The following AFG2A variants were observed in gnomAD, a reference collection of about 807,000 sequenced individuals.
AFG2A encodes ATPase family gene 2 protein homolog A.
chr4:123,042,645 T>C, the AFG2A span, among the ~76,000 whole-genome samples: 1 of 152,208 alleles, frequency 6.6e-6, no homozygotes, highest in Non-Finnish European at 1.5e-5. Context: ...CTCTTTTCTT[T>C]TGCATTCAGT....
chr4:123,002,250 C>G, the AFG2A span, among the ~76,000 whole-genome samples: 3 of 151,964 alleles, frequency 2.0e-5, no homozygotes, highest in Non-Finnish European at 4.4e-5. Context: ...GGTCTTGACT[C>G]TTTATCCAAT....
At chr4:123,068,009 A>T in the AFG2A span, among the ~76,000 whole-genome samples, 1 of 152,156 alleles carries the variant, frequency 6.6e-6, no homozygotes, top group Non-Finnish European at 1.5e-5. Context: ...GAATAGGAAT[A>T]ATTTGGAAAG....
At chr4:123,053,835 A>G in the AFG2A span, among the ~76,000 whole-genome samples, 2 of 152,156 alleles carry the variant, frequency 1.3e-5, no homozygotes, top group Non-Finnish European at 2.9e-5. Flanking sequence ...TAGTTCCTCT[A>G]CTGCACTGGG....
At chr4:123,105,779 C>G in the AFG2A span, among the ~76,000 whole-genome samples, 2 of 152,072 alleles carry the variant, frequency 1.3e-5, no homozygotes, top group Non-Finnish European at 2.9e-5. Context: ...GCTGCAATCT[C>G]ATGAACAAAT....
At chr4:123,312,816 A>C in the AFG2A span, among the ~76,000 whole-genome samples, 4 of 152,210 alleles carry the variant, frequency 2.6e-5, no homozygotes, top group Admixed American at 2.0e-4. Flanking sequence ...CATGTTTTTG[A>C]AAGCTCCCTA....
chr4:123,080,245 A>G, the AFG2A span, among the ~76,000 whole-genome samples: 1 of 152,220 alleles, frequency 6.6e-6, no homozygotes, highest in Admixed American at 6.5e-5. Flanking sequence ...CCTTTATAAC[A>G]GGAGATAGCA....
chr4:122,925,087 T>G, the AFG2A span, among the ~76,000 whole-genome samples: 1 of 152,196 alleles, frequency 6.6e-6, no homozygotes, highest in Non-Finnish European at 1.5e-5. Flanking sequence ...ACTTCAACTC[T>G]GTTCAGTTTT....
At chr4:123,261,972 T>TGGGG in the AFG2A span, among the ~76,000 whole-genome samples, 10,686 of 152,016 alleles carry the variant, frequency 0.07, 699 homozygotes, top group African/African-American at 0.17. Context: ...TTGTAGACAT[T>TGGGG]GTCATGTTGC....
At chr4:123,157,694 T>C in the AFG2A span, among the ~76,000 whole-genome samples, 3 of 152,196 alleles carry the variant, frequency 2.0e-5, no homozygotes, top group African/African-American at 7.2e-5. Flanking sequence ...TTAGTTCACG[T>C]AAAACAAATC....
chr4:123,098,589 A>G, the AFG2A span, among the ~76,000 whole-genome samples: 1 of 151,780 alleles, frequency 6.6e-6, no homozygotes, highest in Admixed American at 6.6e-5. Context: ...ACTTTTTAAG[A>G]CTCCACATAT....
At chr4:122,973,113 T>G in the AFG2A span, among the ~76,000 whole-genome samples, 565 of 152,294 alleles carry the variant, frequency 3.7e-3, 2 homozygotes, top group African/African-American at 0.012. Context: ...TTTAGAATTT[T>G]GTATATTCTT....
the AFG2A span, among the ~76,000 whole-genome samples, chr4:123,170,540 T>C: frequency 6.6e-6 from 1 of 152,176 alleles, no homozygotes; most frequent in Non-Finnish European, 1.5e-5. Flanking sequence ...TCCTATATCT[T>C]TTAAATGTGC....
the AFG2A span, among the ~76,000 whole-genome samples, chr4:123,177,128 T>A: frequency 6.6e-6 from 1 of 152,132 alleles, no homozygotes; most frequent in Non-Finnish European, 1.5e-5. Flanking sequence ...ACCTTAAATT[T>A]AGTGTCTGTG....
chr4:123,236,447 T>G, the AFG2A span, among the ~76,000 whole-genome samples: 1 of 152,232 alleles, frequency 6.6e-6, no homozygotes, highest in Non-Finnish European at 1.5e-5. Context: ...ATTATCTCTT[T>G]GCTGTGTGAT....
At chr4:123,186,006 C>T in the AFG2A span, among the ~76,000 whole-genome samples, 4 of 152,050 alleles carry the variant, frequency 2.6e-5, no homozygotes, top group African/African-American at 9.7e-5. Context: ...TGGATATTTA[C>T]GGACTATATC....
the AFG2A span, among the ~76,000 whole-genome samples, chr4:123,140,083 C>T: frequency 6.6e-6 from 1 of 151,958 alleles, no homozygotes; most frequent in African/African-American, 2.4e-5. Flanking sequence ...GTAACTGTTT[C>T]AGGAAAATAA....
chr4:122,942,256 G>C, the AFG2A span, among the ~76,000 whole-genome samples: 127,488 of 140,734 alleles, frequency 0.91, 58,040 homozygotes, highest in East Asian at 0.96. Context: ...GTGAATCCAT[G>C]TGGTCCTGGA....
the AFG2A span, among the ~76,000 whole-genome samples, chr4:123,064,203 C>T: frequency 6.6e-6 from 1 of 152,194 alleles, no homozygotes; most frequent in African/African-American, 2.4e-5. Flanking sequence ...GGAAATGCTG[C>T]ATGATTCTTT....
At chr4:122,975,486 A>G in the AFG2A span, among the ~76,000 whole-genome samples, 1 of 152,180 alleles carries the variant, frequency 6.6e-6, no homozygotes, top group Non-Finnish European at 1.5e-5. Context: ...CTTTTACTCT[A>G]TTCTAACAAA....
Sources: gnomAD v4.1 joint callset for allele counts (sites outside exome capture counted in the v4.1 genomes callset) on GRCh38, gnomAD v4.1.1 for gene constraint, MANE v1.5 for transcripts, NCBI Gene and HGNC (gene_info 2026-07-23, HGNC 2026-07-21) for gene names.